MID2: variants seen among roughly 807,000 people sequenced by gnomAD.
The protein encoded by MID2 is probable E3 ubiquitin-protein ligase MID2.
In MID2, 13 loss-of-function variants were observed where a neutral mutation model predicts 46.1. The ratio of observed to expected loss-of-function variants is 0.28; its 90% CI spans 0.18 to 0.45. The LOEUF (loss-of-function observed/expected upper bound fraction) is 0.45, where lower values mean the gene tolerates loss of function less well. Ranked by LOEUF, MID2 falls within the 20% of genes least tolerant of loss-of-function variation. The probability of loss-of-function intolerance (pLI) is 1.00; values close to 1 mark genes in which losing one functional copy is unlikely to be tolerated. For synonymous variants in MID2, 199 were observed against 212.3 expected (o/e 0.94, Z 0.55); for missense variants, 431 against 575.4 (o/e 0.75, Z 2.57).
chrX:107,870,054 C>A (rs1279861974), intron 3 of MID2, among the ~76,000 whole-genome samples: 1 of 111,323 alleles, frequency 9.0e-6, no homozygotes, highest in East Asian at 2.8e-4. Flanking sequence ...TATTTGAATG[C>A]TGTTTTATTT....
At position 107,924,389 on chromosome X, in the gene MID2, A is replaced by G. The variant is rs762702919; in HGVS notation, c.1482A>G (p.Lys494=). The G allele has an allele frequency of 3.3e-6, 4 of 1,208,661 alleles. No homozygotes were observed. Among genetic ancestry groups the G allele is most frequent in the Non-Finnish European group, 3.4e-6 (3 of 893,924 alleles). ...VDSWMIVPNI[K]QNHYTVHGLQ... ...GCTGGATGATTGTTCCCAACATTAA[A>G]CAGAACCATTACACAGTGCATGGAC... The change falls in exon 8 of 10, where the codon AAA becomes AAG. Residue 494 remains lysine (K), a synonymous_variant. Coordinates refer to ENST00000262843, the MANE Select transcript of MID2 (RefSeq NM_012216.4).
At position 107,924,324 on chromosome X, in the gene MID2, G is replaced by T. The variant is rs370137845; in HGVS notation, c.1436-19G>T. 2 of 1,195,037 alleles carry T rather than the reference G, an allele frequency of 1.7e-6. No individual in the cohort carries two copies. The highest frequency in any genetic ancestry group is 4.4e-5 in the Admixed American group (2 of 45,516). On this transcript the variant is annotated intron_variant, in intron 7 of 9. Transcript: ENST00000262843. ...CTCTTACCTGCTGGTTAATGTCCTTGTCTTTCCCCATGTTACAGGCCTGTA... is the reference window on the plus strand; with the variant it reads ...CTCTTACCTGCTGGTTAATGTCCTTTTCTTTCCCCATGTTACAGGCCTGTA...
chrX:107,860,748 G>A (rs1194291325), intron 3 of MID2, among the ~76,000 whole-genome samples: 1 of 112,567 alleles, frequency 8.9e-6, no homozygotes, highest in East Asian at 2.8e-4. Context: ...AACACTTACT[G>A]AGGATTTCCT....
Position 107,840,800 on chromosome X carries a change from T to G in MID2, c.135T>G (p.Cys45Trp). The change falls in exon 2 of 10, where the codon TGT becomes TGG. Residue 45 changes from cysteine to tryptophan, a missense_variant. Physicochemically the swap from Cys to Trp is radical, Grantham distance 215. Coordinates refer to ENST00000262843, the MANE Select transcript of MID2 (RefSeq NM_012216.4). ...TTGAAGACCCCCTTCTGCTCCCTTG[T>G]GCTCACAGCCTCTGCTTCAGCTGTG... ...ELFEDPLLLP[C>W]AHSLCFSCAH... The G allele has an allele frequency of 8.3e-7, 1 of 1,211,874 alleles. No homozygotes were observed. The highest frequency in any genetic ancestry group is 1.1e-6 in the Non-Finnish European group (1 of 895,529).
chrX:107,915,508 A>T (rs1402287541), intron 5 of MID2, among the ~76,000 whole-genome samples: 1 of 109,831 alleles, frequency 9.1e-6, no homozygotes, highest in Non-Finnish European at 1.9e-5. Flanking sequence ...CAGTGAACTG[A>T]GATGGCGCCA....
chrX:107,901,662 A>G, intron 3 of MID2, among the ~76,000 whole-genome samples: 1 of 111,730 alleles, frequency 9.0e-6, no homozygotes, highest in Middle Eastern at 4.6e-3. Flanking sequence ...CTAATATGAT[A>G]AAATATAGGA....
intron 3 of MID2, among the ~76,000 whole-genome samples, chrX:107,897,951 C>T (rs943887496): frequency 3.6e-5 from 4 of 111,850 alleles, no homozygotes; most frequent in African/African-American, 6.5e-5. Flanking sequence ...TCCTTCTCAT[C>T]TCCTTTGCAC....
At chrX:107,887,182 G>A (rs1458142256) in intron 3 of MID2, among the ~76,000 whole-genome samples, 2 of 111,711 alleles carry the variant, frequency 1.8e-5, no homozygotes, top group Non-Finnish European at 3.8e-5. Flanking sequence ...TGGTGAGAGA[G>A]GGCATCCCTG....
At position 107,924,479 on chromosome X, in the gene MID2, T is replaced by A; in HGVS notation, c.1572T>A (p.Ser524Arg). The stretch of plus-strand genomic sequence containing the variant: ...TAAACCAAGCCGGCAGCCGGAACAG[T>A]GAACCTACCCGACTAAAAACAAACA... ...KAINQAGSRN[S>R]EPTRLKTNSQ... Residue 524 changes from serine (S) to arginine (R), a missense_variant, in exon 8 of 10, where the codon AGT (serine) becomes AGA (arginine). Transcript: ENST00000262843. The A allele has an allele frequency of 8.3e-7, 1 of 1,211,457 alleles. No homozygotes were observed. Among genetic ancestry groups the A allele is most frequent in the Non-Finnish European group, 1.1e-6 (1 of 895,264 alleles).
At chrX:107,853,827 G>A (rs1176677219) in intron 2 of MID2, among the ~76,000 whole-genome samples, 1 of 111,699 alleles carries the variant, frequency 9.0e-6, no homozygotes, top group East Asian at 2.8e-4. Context: ...GTGACTGAGG[G>A]CTGGATACAT....
chrX:107,924,225 A>C (rs961102362), intron 7 of MID2, 118 bp from the exon 8 acceptor site: 51 of 712,081 alleles, frequency 7.2e-5, no homozygotes, highest in Non-Finnish European at 8.4e-5. Flanking sequence ...TCTAAGACTC[A>C]AAAGAAAACA....
intron 3 of MID2, among the ~76,000 whole-genome samples, chrX:107,893,341 G>A (rs2147856593): frequency 8.9e-6 from 1 of 112,375 alleles, no homozygotes; most frequent in South Asian, 3.7e-4. Flanking sequence ...CTTATTAGCT[G>A]AAATATTACT....
chrX:107,924,659 G>T (rs1602512143), intron 8 of MID2, among the ~76,000 whole-genome samples, 155 bp downstream of exon 8: 1 of 111,697 alleles, frequency 9.0e-6, no homozygotes. Context: ...CAAGGAGTTT[G>T]TTGGTGCCCA....
chrX:107,874,381 C>G (rs1932146840), intron 3 of MID2, among the ~76,000 whole-genome samples: 1 of 112,515 alleles, frequency 8.9e-6, no homozygotes, highest in South Asian at 3.7e-4. Context: ...TTAAGTTATT[C>G]CCCATGGTTA....
intron 3 of MID2, among the ~76,000 whole-genome samples, chrX:107,858,715 C>T (rs1176728038): frequency 8.9e-6 from 1 of 112,169 alleles, no homozygotes; most frequent in Non-Finnish European, 1.9e-5. Context: ...TGTAGTATAG[C>T]CCTTTCAATT....
chrX:107,870,140 AT>A (rs1352393871), intron 3 of MID2, among the ~76,000 whole-genome samples: 1 of 111,261 alleles, frequency 9.0e-6, no homozygotes, highest in East Asian at 2.8e-4. Flanking sequence ...CTATATGTTG[AT>A]TTTTTCTAAT....
intron 5 of MID2, among the ~76,000 whole-genome samples, chrX:107,910,917 G>T (rs745710714): frequency 2.3e-5 from 2 of 87,770 alleles, no homozygotes; most frequent in South Asian, 6.7e-4. Context: ...GCAGTGGCAC[G>T]ATCTCAGCTC....
intron 1 of MID2, among the ~76,000 whole-genome samples, chrX:107,830,503 T>G (rs775259108): frequency 1.9e-4 from 21 of 112,348 alleles, no homozygotes; most frequent in Middle Eastern, 9.2e-3. Context: ...TGTCTTGACT[T>G]AGAACATTGC....
chrX:107,886,684 A>G (rs990451697), intron 3 of MID2, among the ~76,000 whole-genome samples: 7 of 111,605 alleles, frequency 6.3e-5, no homozygotes, highest in African/African-American at 2.0e-4. Flanking sequence ...CTTGATGGGG[A>G]TGGCATTGAA....
Sources: gnomAD v4.1 joint callset for allele counts (sites outside exome capture counted in the v4.1 genomes callset) on GRCh38, gnomAD v4.1.1 for gene constraint, MANE v1.5 for transcripts, NCBI Gene and HGNC (gene_info 2026-07-23, HGNC 2026-07-21) for gene names.